Variants in DCHS1 observed in about 807,000 individuals in gnomAD.
DCHS1 encodes protocadherin-16.
In DCHS1, 78 loss-of-function variants were observed where a neutral mutation model predicts 213.9. That is an observed-to-expected ratio of 0.36 (90% CI 0.30 to 0.44). The LOEUF (loss-of-function observed/expected upper bound fraction) is 0.44. DCHS1 is among the 20% of genes least tolerant of loss of function. DCHS1 has a pLI of 1.00. For synonymous variants in DCHS1, 1,828 were observed against 1,873.7 expected (o/e 0.98, Z 0.63); for missense variants, 3,946 against 4,395.9 (o/e 0.90, Z 2.89).
At chr11:6,652,260 G>C (rs1457163208) in intron 1 of DCHS1, among the ~76,000 whole-genome samples, 1 of 152,202 alleles carries the variant, frequency 6.6e-6, no homozygotes, top group African/African-American at 2.4e-5. Flanking sequence ...AATAATGTCA[G>C]CTCCTCCCGA....
At position 6,626,939 on chromosome 11, in the gene DCHS1, G is replaced by T; in HGVS notation, c.6100C>A (p.Arg2034Ser). 1 of 1,613,720 alleles carries T rather than the reference G, an allele frequency of 6.2e-7. No homozygotes were observed. The highest frequency in any genetic ancestry group is 1.1e-5 in the South Asian group (1 of 91,086). ...TCAGTGGCCACAATGAAGAGGACACGATCTCGGGGGCCTAGAGCTACAGGA... is the reference window on the plus strand; with the variant it reads ...TCAGTGGCCACAATGAAGAGGACACTATCTCGGGGGCCTAGAGCTACAGGA... The part of the protein sequence containing the change: ...RSPVALGPRD[R>S]VLFIVATDLG... Residue 2034 changes from arginine (R) to serine (S), a missense_variant, in exon 14 of 21, where the codon CGT becomes AGT. Coordinates refer to ENST00000299441, the MANE Select transcript of DCHS1 (RefSeq NM_003737.4). This position sits in a 1 kb window ranked among gnomAD's most constrained non-coding sequence, Gnocchi z 5.2.
Position 6,625,628 on chromosome 11 carries a change from G to A in DCHS1, c.6831C>T (p.Ile2277=), listed in dbSNP as rs757838901. 23 of 1,613,666 alleles carry A rather than the reference G, an allele frequency of 1.4e-5. No individual in the cohort carries two copies. The South Asian group carries it at 1.9e-4, about 13-fold the overall frequency. ...VIDTNDNRPT[I]PQPWELRVSE... ...ACACTCGGAGCTCCCAGGGTTGGGG[G>A]ATGGTGGGGCGATTGTCATTGGTGT... Residue 2277 remains isoleucine, a synonymous_variant, in exon 18 of 21, where the codon ATC becomes ATT. Coordinates refer to ENST00000299441, the MANE Select transcript of DCHS1 (RefSeq NM_003737.4). This position sits in a 1 kb window ranked among gnomAD's most constrained non-coding sequence, Gnocchi z 5.3.
In DCHS1 at chr11:6,640,478, G is replaced by A. The variant is rs760990835; in HGVS notation, c.1136C>T (p.Ala379Val). The A allele has an allele frequency of 3.1e-6, 5 of 1,613,628 alleles. No homozygotes were observed. Among genetic ancestry groups the A allele is most frequent in the South Asian group, 1.1e-5 (1 of 91,090 alleles). The change falls in exon 2 of 21, where the codon GCC (alanine) becomes GTC (valine). Residue 379 changes from alanine to valine, a missense_variant. Transcript: ENST00000299441. The surrounding 1 kb of genome is among the most constrained non-coding windows in gnomAD (Gnocchi z 6.5). ...GCGAGCAACGAGCTGTCCAGGTGGG[G>A]CGGCCTCAGACACTTGGGGGGAGCC... Reference protein sequence around the residue: ...ADGSPQVSEAAPPGQLVARIS... With the variant: ...ADGSPQVSEAVPPGQLVARIS...
chr11:6,632,846 T>G lies in DCHS1; in HGVS notation c.2666A>C (p.Asp889Ala). 1.2e-6 allele frequency: 2 copies of G among 1,613,990 alleles called. No homozygotes were observed. Among genetic ancestry groups the G allele is most frequent in the Non-Finnish European group, 1.7e-6 (2 of 1,179,882 alleles). The part of the protein sequence containing the change: ...RVRVLLDDVN[D>A]NSPAFPAPED... ...AGGTGCAGGAAAGGCAGGGGAGTTG[T>G]CATTCACATCATCCAGCAGCACACG... The change falls in exon 6 of 21, where the codon GAC (aspartate) becomes GCC (alanine). Residue 889 changes from aspartate to alanine, a missense_variant. Transcript: ENST00000299441. This position sits in a 1 kb window ranked among gnomAD's most constrained non-coding sequence, Gnocchi z 5.9.
rs772552501 is a variant in DCHS1, at chr11:6,623,052, C to T, written c.8624G>A (p.Arg2875Gln). The change falls in exon 21 of 21, where the codon CGG becomes CAG. Residue 2875 changes from arginine to glutamine, a missense_variant. By Grantham distance (43) the Arg-to-Gln change is conservative. This residue lies in a region of DCHS1 where 554 missense variants were observed against 590.2 expected (regional missense o/e 0.94). Transcript: ENST00000299441. ...TGALYLRVDS[R>Q]APGSGTATSG... ...GGTGGCTGTTCCGCTGCCTGGTGCCCGACTGTCCACCCGCAGGTACAGGGC... is the reference window on the plus strand; with the variant it reads ...GGTGGCTGTTCCGCTGCCTGGTGCCTGACTGTCCACCCGCAGGTACAGGGC... 8.0e-5 allele frequency: 126 copies of T among 1,578,094 alleles called. No homozygotes were observed. Among genetic ancestry groups the T allele is most frequent in the South Asian group, 1.9e-4 (16 of 86,444 alleles).
intron 19 of DCHS1, 58 bp from the exon 20 acceptor site, chr11:6,624,926 C>T (rs1855769244): frequency 1.2e-6 from 2 of 1,602,474 alleles, no homozygotes; most frequent in African/African-American, 1.3e-5. Flanking sequence ...GCTGTCCATG[C>T]AGCCTGTTCT....
At position 6,630,065 on chromosome 11, in the gene DCHS1, C is replaced by G. The variant is rs1442147822; in HGVS notation, c.4729G>C (p.Ala1577Pro). The stretch of plus-strand genomic sequence containing the variant: ...GCCAGCCGATAGGACACGCGTGCAG[C>G]CTCGCCCAGATCCGGGTCCCGGGCT... Reference protein sequence around the residue: ...VVARDPDLGEAARVSYRLASG... With the variant: ...VVARDPDLGEPARVSYRLASG... Residue 1577 changes from alanine (A) to proline (P), a missense_variant, in exon 10 of 21, where the codon GCT (alanine) becomes CCT (proline). Coordinates refer to ENST00000299441, the MANE Select transcript of DCHS1 (RefSeq NM_003737.4). 2 of 1,573,104 alleles carry G rather than the reference C, an allele frequency of 1.3e-6. No individual in the cohort carries two copies. The highest frequency in any genetic ancestry group is 1.7e-6 in the Non-Finnish European group (2 of 1,157,432).
In DCHS1 at chr11:6,630,192, G is replaced by C; in HGVS notation, c.4602C>G (p.Val1534=). ...RRRAARVSAR[V]FVTDENDNAP... ...CGTTGTCATTCTCATCCGTGACGAA[G>C]ACGCGCGCTGAAACGCGCGCTGCAC... Residue 1534 remains valine, a synonymous_variant, in exon 10 of 21, where the codon GTC becomes GTG. Coordinates refer to ENST00000299441, the MANE Select transcript of DCHS1 (RefSeq NM_003737.4). 5.0e-6 allele frequency: 8 copies of C among 1,586,076 alleles called. No individual in the cohort carries two copies. Among genetic ancestry groups the C allele is most frequent in the Non-Finnish European group, 6.0e-6 (7 of 1,167,016 alleles).
At position 6,631,629 on chromosome 11, in the gene DCHS1, C is replaced by G; in HGVS notation, c.3662G>C (p.Gly1221Ala). Residue 1221 changes from glycine to alanine, a missense_variant, in exon 7 of 21, where the codon GGC (glycine) becomes GCC (alanine). Physicochemically the swap from Gly to Ala is moderately conservative, Grantham distance 60. Coordinates refer to ENST00000299441, the MANE Select transcript of DCHS1 (RefSeq NM_003737.4). ...CACTTCACATACCTGTATAGGGAGG[C>G]CCCCACCAGCAGCTCCTGAAGCCTG... Reference protein sequence around the residue: ...FLQASGAAGGGLPIQVPDRVP... With the variant: ...FLQASGAAGGALPIQVPDRVP... 6.3e-7 allele frequency: 1 copy of G among 1,577,406 alleles called. No individual in the cohort carries two copies. The highest frequency in any genetic ancestry group is 1.2e-5 in the South Asian group (1 of 83,818).
rs543533148 is a variant in DCHS1 at position 6,633,880 on chromosome 11, G to T, written c.2127C>A (p.Ala709=). The T allele has an allele frequency of 1.4e-5, 23 of 1,613,868 alleles. No individual in the cohort carries two copies. The highest frequency in any genetic ancestry group is 1.9e-5 in the Non-Finnish European group (23 of 1,179,884). The change falls in exon 4 of 21, where the codon GCC becomes GCA. Residue 709 remains alanine, a synonymous_variant. Coordinates refer to ENST00000299441, the MANE Select transcript of DCHS1 (RefSeq NM_003737.4). The part of the protein sequence containing the change: ...PPGTAVLRLR[A]HDPDQGSHGR... ...CATGGGATCCCTGGTCAGGGTCATG[G>T]GCACGCAACCTCAGCACAGCTGTGC...
chr11:6,633,611 G>C lies in DCHS1; in HGVS notation c.2256C>G (p.Ala752=). The C allele has an allele frequency of 6.3e-7, 1 of 1,598,498 alleles. No individual in the cohort carries two copies. Among genetic ancestry groups the C allele is most frequent in the Non-Finnish European group, 8.5e-7 (1 of 1,172,364 alleles). The change falls in exon 5 of 21, where the codon GCC becomes GCG. Residue 752 remains alanine, a synonymous_variant. Transcript: ENST00000299441. The part of the protein sequence containing the change: ...LTVAWPLARR[A]NSVVQLEIGA... ...CGATCTCCAGCTGCACCACAGAATT[G>C]GCCCGTCTGGCCAAGGGCCAGGCTA...
At chr11:6,645,208 G>A (rs1302331348) in intron 1 of DCHS1, among the ~76,000 whole-genome samples, 1 of 152,206 alleles carries the variant, frequency 6.6e-6, no homozygotes, top group Admixed American at 6.5e-5. Flanking sequence ...TCAGAATGCT[G>A]GGGTTGTATG....
chr11:6,623,049 G>A lies in DCHS1; in HGVS notation c.8627C>T (p.Ala2876Val), dbSNP rs1214904166. 2.5e-6 allele frequency: 4 copies of A among 1,577,258 alleles called. No individual in the cohort carries two copies. Among genetic ancestry groups the A allele is most frequent in the Non-Finnish European group, 3.4e-6 (4 of 1,161,900 alleles). Residue 2876 changes from alanine (A) to valine (V), a missense_variant, in exon 21 of 21, where the codon GCA becomes GTA. Ala to Val is a moderately conservative substitution (Grantham distance 64). Around this residue, in one of 3 missense-constraint regions of DCHS1, gnomAD observed 554 missense variants for 590.2 expected, o/e 0.94. Coordinates refer to ENST00000299441, the MANE Select transcript of DCHS1 (RefSeq NM_003737.4). ...GALYLRVDSRAPGSGTATSGG... is the reference protein window; with the variant it reads ...GALYLRVDSRVPGSGTATSGG... ...AGAGGTGGCTGTTCCGCTGCCTGGT[G>A]CCCGACTGTCCACCCGCAGGTACAG...
Position 6,626,565 on chromosome 11 carries a change from G to T in DCHS1, c.6351C>A (p.Ile2117=), listed in dbSNP as rs1855807629. The part of the protein sequence containing the change: ...LSGNEKGTFS[I]QPSTGAITVR... ...CCTATTTCTTACCTGTACTAGGCTG[G>T]ATGGAGAATGTCCCTTTCTCATTCC... The change falls in exon 15 of 21, where the codon ATC becomes ATA. Residue 2117 remains isoleucine (I), a synonymous_variant. Transcript: ENST00000299441. The surrounding 1 kb of genome is among the most constrained non-coding windows in gnomAD (Gnocchi z 5.2). 6.2e-7 allele frequency: 1 copy of T among 1,613,996 alleles called. No homozygotes were observed. Among genetic ancestry groups the T allele is most frequent in the Non-Finnish European group, 8.5e-7 (1 of 1,179,884 alleles).
rs760066649 is a variant in DCHS1 at position 6,640,768 on chromosome 11, G to A, written c.846C>T (p.Ala282=). ...SPVLQVFASD[A]DAGVNGAVTY... ...TCACAGCCCCATTGACACCAGCATC[G>A]GCATCAGATGCGAACACCTGCAAGA... Residue 282 remains alanine, a synonymous_variant, in exon 2 of 21, where the codon GCC becomes GCT. Coordinates refer to ENST00000299441, the MANE Select transcript of DCHS1 (RefSeq NM_003737.4). The surrounding 1 kb of genome is among the most constrained non-coding windows in gnomAD (Gnocchi z 6.5). The A allele has an allele frequency of 1.1e-5, 17 of 1,613,840 alleles. No homozygotes were observed. The highest frequency in any genetic ancestry group is 5.0e-5 in the Admixed American group (3 of 60,002).
chr11:6,627,163 G>A lies in DCHS1; in HGVS notation c.5876C>T (p.Thr1959Ile). The change falls in exon 14 of 21, where the codon ACC becomes ATC. Residue 1959 changes from threonine (T) to isoleucine (I), a missense_variant. This residue lies in a region of DCHS1 where 3,384 missense variants were observed against 3,780.1 expected (regional missense o/e 0.90). Transcript: ENST00000299441. The surrounding 1 kb of genome is among the most constrained non-coding windows in gnomAD (Gnocchi z 5.4). ...TAGGCGCAGAGGACTGGTGGGGAAGGTGGGTGCATGGTCATTGACATCGCG... is the reference window on the plus strand; with the variant it reads ...TAGGCGCAGAGGACTGGTGGGGAAGATGGGTGCATGGTCATTGACATCGCG... ...TVRDVNDHAP[T>I]FPTSPLRLRL... The A allele has an allele frequency of 6.2e-7, 1 of 1,612,148 alleles. No individual in the cohort carries two copies. Among genetic ancestry groups the A allele is most frequent in the Non-Finnish European group, 8.5e-7 (1 of 1,178,880 alleles).
intron 1 of DCHS1, 86 bp downstream of exon 1, chr11:6,655,477 G>A (rs1856301943): frequency 2.3e-6 from 2 of 856,076 alleles, no homozygotes; most frequent in Non-Finnish European, 2.8e-6. Flanking sequence ...CAAAGCCCCC[G>A]GCTCCGCCGC....
chr11:6,624,930 C>A, intron 19 of DCHS1, 62 bp from the exon 20 acceptor site: 5 of 1,599,570 alleles, frequency 3.1e-6, no homozygotes, highest in Non-Finnish European at 4.3e-6. Flanking sequence ...TCCATGCAGC[C>A]TGTTCTGGAG....
At chr11:6,652,550 A>T (rs1856258647) in intron 1 of DCHS1, among the ~76,000 whole-genome samples, 1 of 152,202 alleles carries the variant, frequency 6.6e-6, no homozygotes, top group African/African-American at 2.4e-5. Context: ...AAGGAACTGG[A>T]GACGTGGGAA....
Sources: gnomAD v4.1 joint callset for allele counts (sites outside exome capture counted in the v4.1 genomes callset) on GRCh38, gnomAD v4.1.1 for gene constraint, gnomAD v4.1.1 regional missense constraint, Gnocchi (gnomAD v3.1) non-coding constraint, MANE v1.5 for transcripts, NCBI Gene and HGNC (gene_info 2026-07-23, HGNC 2026-07-21) for gene names.